The following CLOCK variants were observed in gnomAD, a reference collection of about 807,000 sequenced individuals.
CLOCK encodes the protein clock circadian regulator.
In CLOCK, 43 loss-of-function variants were observed where a neutral mutation model predicts 118.4. The observed-to-expected ratio is 0.36, with a 90% CI of 0.28 to 0.47. CLOCK has a LOEUF of 0.47. CLOCK is among the 20% of genes least tolerant of loss of function. The probability of loss-of-function intolerance (pLI) is 1.00; values close to 1 mark genes in which losing one functional copy is unlikely to be tolerated. For synonymous variants in CLOCK, 326 were observed against 339.2 expected (o/e 0.96, Z 0.43); for missense variants, 846 against 999.9 (o/e 0.85, Z 2.08).
chr4:55,454,217 C>T (rs778865436), intron 13 of CLOCK, among the ~76,000 whole-genome samples: 2 of 152,112 alleles, frequency 1.3e-5, no homozygotes, highest in Non-Finnish European at 2.9e-5. Context: ...CCTTAACTAA[C>T]CAAAATCAAA....
intron 5 of CLOCK, 68 bp from the exon 6 acceptor site, chr4:55,479,031 T>C: frequency 7.7e-7 from 1 of 1,305,824 alleles, no homozygotes; most frequent in Non-Finnish European, 1.1e-6. Flanking sequence ...TAATACAATG[T>C]TAATTTAGAC....
chr4:55,540,877 C>A (rs1483115989), intron 1 of CLOCK: 1 of 152,118 alleles, frequency 6.6e-6, no homozygotes, highest in East Asian at 1.9e-4. Context: ...ATGTTAAGTA[C>A]CTGAATGTGA....
chr4:55,477,265 T>A (rs1042404276), intron 6 of CLOCK, among the ~76,000 whole-genome samples: 2 of 152,098 alleles, frequency 1.3e-5, no homozygotes, highest in East Asian at 1.9e-4. Context: ...CGGGGAAATA[T>A]ATGCATTTCA....
At position 55,482,163 on chromosome 4, in the gene CLOCK, C is replaced by T. The variant is rs115873301; in HGVS notation, c.47+576G>A. Among the ~76,000 whole-genome samples the T allele has an allele frequency of 4.3e-3, 657 of 152,160 alleles. 1 individual carries two copies. The highest frequency in any genetic ancestry group is 7.3e-3 in the Non-Finnish European group (497 of 67,988). On this transcript the variant is annotated intron_variant, in intron 4 of 22. Transcript: ENST00000513440. ...TTTTTCATGCGGGTAGACTACGTGTCGCTGAGGTTTGGTGTACCAATGATC... is the reference window on the plus strand; with the variant it reads ...TTTTTCATGCGGGTAGACTACGTGTTGCTGAGGTTTGGTGTACCAATGATC...
chr4:55,517,020 A>G (rs1729557307), intron 1 of CLOCK, among the ~76,000 whole-genome samples: 4 of 152,188 alleles, frequency 2.6e-5, no homozygotes, highest in Admixed American at 2.0e-4. Context: ...TCACTTTTAC[A>G]TAAGCGCATA....
At chr4:55,465,128 A>G (rs982436894) in intron 8 of CLOCK, among the ~76,000 whole-genome samples, 2 of 152,214 alleles carry the variant, frequency 1.3e-5, no homozygotes, top group Admixed American at 1.3e-4. Flanking sequence ...AAAACTATTC[A>G]GGAAAAACAA....
At chr4:55,529,843 T>C (rs1730424816) in intron 1 of CLOCK, among the ~76,000 whole-genome samples, 1 of 152,224 alleles carries the variant, frequency 6.6e-6, no homozygotes, top group South Asian at 2.1e-4. Context: ...TATCCTGTGT[T>C]GTCTCTTGAA....
intron 4 of CLOCK, among the ~76,000 whole-genome samples, chr4:55,481,341 G>A (rs1726923338): frequency 6.6e-6 from 1 of 152,080 alleles, no homozygotes; most frequent in Non-Finnish European, 1.5e-5. Context: ...ATGACATTCA[G>A]AGATAAGGAA....
At chr4:55,521,251 C>T (rs918573928) in intron 1 of CLOCK, among the ~76,000 whole-genome samples, 6 of 152,076 alleles carry the variant, frequency 3.9e-5, no homozygotes, top group Non-Finnish European at 7.4e-5. Context: ...TGGAGTTTCA[C>T]TCTTGTTGCC....
At chr4:55,460,821 C>A (rs1442714942) in intron 9 of CLOCK, among the ~76,000 whole-genome samples, 1 of 152,146 alleles carries the variant, frequency 6.6e-6, no homozygotes, top group Non-Finnish European at 1.5e-5. Context: ...AAAAATCTAT[C>A]TATCTTCAAC....
chr4:55,493,564 G>C (rs79928376), intron 2 of CLOCK, among the ~76,000 whole-genome samples: 4,114 of 152,162 alleles, frequency 0.027, 196 homozygotes, highest in African/African-American at 0.094. Flanking sequence ...TTATTTCTAA[G>C]AGAAAAACTA....
At position 55,449,507 on chromosome 4, in the gene CLOCK, C is replaced by T. The variant is rs1424658500; in HGVS notation, c.1349-11G>A. The T allele has an allele frequency of 6.5e-5, 105 of 1,604,278 alleles. No individual in the cohort carries two copies. The highest frequency in any genetic ancestry group is 8.8e-5 in the Non-Finnish European group (103 of 1,171,266). On this transcript the variant is annotated splice_polypyrimidine_tract_variant and intron_variant, in intron 16 of 22. Transcript: ENST00000513440. The stretch of plus-strand genomic sequence containing the variant: ...TCTTGGTTGGTGTTGCTGAAGTCAA[C>T]AAAATCAGAAGAGCATTAGTACTTT...
Position 55,478,968 on chromosome 4 carries a change from T to C in CLOCK, c.108-5A>G. The C allele has an allele frequency of 6.3e-7, 1 of 1,579,766 alleles. No individual in the cohort carries two copies. The highest frequency in any genetic ancestry group is 8.6e-7 in the Non-Finnish European group (1 of 1,158,348). ...TCAGATTTGTTTCTAGATACTCTGA[T>C]GAAATGAAAAATATGCATTTTTTAA... is the stretch of plus-strand genomic sequence containing the variant. On this transcript the variant is annotated splice_region_variant and splice_polypyrimidine_tract_variant and intron_variant, in intron 5 of 22. Coordinates refer to ENST00000513440, the MANE Select transcript of CLOCK (RefSeq NM_004898.4).
chr4:55,482,126 T>TAC, intron 4 of CLOCK, among the ~76,000 whole-genome samples: 1 of 152,304 alleles, frequency 6.6e-6, no homozygotes, highest in East Asian at 1.9e-4. Context: ...GGTTCAGGGG[T>TAC]ACCTGTGTAG....
chr4:55,469,097 A>T (rs987600850), intron 8 of CLOCK, among the ~76,000 whole-genome samples: 1 of 151,976 alleles, frequency 6.6e-6, no homozygotes, highest in Non-Finnish European at 1.5e-5. Flanking sequence ...TATTTACTAT[A>T]CTTTTAATGA....
intron 3 of CLOCK, among the ~76,000 whole-genome samples, chr4:55,484,555 T>C (rs987230794): frequency 2.4e-4 from 37 of 152,122 alleles, no homozygotes; most frequent in Admixed American, 8.5e-4. Flanking sequence ...AACAGACATA[T>C]TTATCTTCAT....
At chr4:55,484,402 TAATAA>T (rs1202500645) in intron 3 of CLOCK, among the ~76,000 whole-genome samples, 2 of 151,910 alleles carry the variant, frequency 1.3e-5, no homozygotes, top group African/African-American at 4.8e-5. Flanking sequence ...AAGATAGAAA[TAATAA>T]AATAAAAAGG....
At chr4:55,462,498 C>G (rs1577724173) in intron 9 of CLOCK, among the ~76,000 whole-genome samples, 1 of 152,158 alleles carries the variant, frequency 6.6e-6, no homozygotes, top group Admixed American at 6.5e-5. Flanking sequence ...AGGCTGGTCT[C>G]AAACTCGTAG....
chr4:55,465,349 C>T (rs1577729663), intron 8 of CLOCK, among the ~76,000 whole-genome samples: 1 of 152,116 alleles, frequency 6.6e-6, no homozygotes, highest in East Asian at 1.9e-4. Flanking sequence ...TTGGTATCTG[C>T]AGCGGGTCCT....
Sources: allele counts gnomAD v4.1 joint callset (sites outside exome capture counted in the v4.1 genomes callset), GRCh38; gene constraint gnomAD v4.1.1; transcripts MANE v1.5; gene names NCBI Gene and HGNC (gene_info 2026-07-23, HGNC 2026-07-21).